The following ADARB2 variants were observed in gnomAD, a reference collection of about 807,000 sequenced individuals.
ADARB2 encodes the protein inactive double-stranded RNA-specific editase B2.
A neutral mutation model predicts 62.2 loss-of-function variants in ADARB2; 25 were observed. That is an observed-to-expected ratio of 0.40 (90% CI 0.29 to 0.56). The LOEUF (loss-of-function observed/expected upper bound fraction) is 0.56, where lower values mean the gene tolerates loss of function less well. Ranked by LOEUF, ADARB2 falls within the 20% of genes least tolerant of loss-of-function variation. The pLI, the probability that ADARB2 is intolerant of heterozygous loss-of-function variation, is 0.43. For missense variants in ADARB2, 1,071 were observed against 1,077.4 expected, an observed-to-expected ratio of 0.99 and a Z score of 0.08; for synonymous variants, 572 against 500.8, an observed-to-expected ratio of 1.14 and a Z score of -1.90.
At chr10:1,707,260 C>G (rs760690508) in intron 1 of ADARB2, among the ~76,000 whole-genome samples, 10 of 152,232 alleles carry the variant, frequency 6.6e-5, no homozygotes, top group Non-Finnish European at 1.3e-4. Flanking sequence ...ACTGATGCCA[C>G]CTCAGATCCA....
intron 3 of ADARB2, among the ~76,000 whole-genome samples, chr10:1,272,872 G>A (rs754040134): frequency 6.6e-6 from 1 of 152,320 alleles, no homozygotes; most frequent in South Asian, 2.1e-4. Context: ...CGAAGCTCTG[G>A]AGGCAGAGAT....
chr10:1,706,846 C>A (rs938956227), intron 1 of ADARB2, among the ~76,000 whole-genome samples: 19 of 152,310 alleles, frequency 1.2e-4, no homozygotes, highest in African/African-American at 4.6e-4. Context: ...ACACCCTCCA[C>A]TGAGGACAAC....
intron 5 of ADARB2, 67 bp from the exon 6 acceptor site, chr10:1,233,912 A>T: frequency 6.6e-7 from 1 of 1,521,420 alleles, no homozygotes; most frequent in Non-Finnish European, 8.9e-7. Flanking sequence ...AACCAGGTGA[A>T]CGCTTGAGTC....
intron 7 of ADARB2, chr10:1,215,993 G>T (rs1458785951): frequency 6.6e-6 from 1 of 151,700 alleles, no homozygotes; most frequent in African/African-American, 2.4e-5. Context: ...GAGCAACGTG[G>T]GGGAGGCCTC....
intron 3 of ADARB2, among the ~76,000 whole-genome samples, chr10:1,356,113 C>G (rs757101208): frequency 6.6e-6 from 1 of 152,076 alleles, no homozygotes; most frequent in Non-Finnish European, 1.5e-5. Flanking sequence ...TTTTTCTGGC[C>G]GTCAGCACCT....
intron 1 of ADARB2, among the ~76,000 whole-genome samples, chr10:1,420,355 G>C (rs761419226): frequency 6.6e-6 from 1 of 152,206 alleles, no homozygotes; most frequent in African/African-American, 2.4e-5. Context: ...GGGATTGTCA[G>C]GCCAGCGCAG....
intron 1 of ADARB2, among the ~76,000 whole-genome samples, chr10:1,666,692 G>A (rs1055935313): frequency 2.6e-5 from 4 of 152,050 alleles, no homozygotes; most frequent in South Asian, 2.1e-4. Context: ...TTTTTTTGAG[G>A]GGCGAGGGCA....
At position 1,317,752 on chromosome 10, in the gene ADARB2, TG is replaced by T. The variant is rs59501657; in HGVS notation, c.1077+45275del. On this transcript the variant is annotated intron_variant, in intron 3 of 9. Transcript: ENST00000381312. ...CAGGGGGCACAGGCAGGGGTAGGCCTGGGGGGGGGTGGGTCAGTTTGTGTGG... is the reference window on the plus strand; with the variant it reads ...CAGGGGGCACAGGCAGGGGTAGGCCTGGGGGGGGTGGGTCAGTTTGTGTGG... 7.6e-3 allele frequency among the ~76,000 whole-genome samples: 864 copies of T among 112,970 alleles called. 16 individuals carry two copies. The highest frequency in any genetic ancestry group is 0.01 in the South Asian group (29 of 2,828). 74.1% of individuals were successfully genotyped at this position (112,970 alleles called of 152,430 possible).
rs755860726 is a variant in ADARB2, at chr10:1,420,611, G to GAAAAA, written c.101-41452_101-41451insTTTTT. On this transcript the variant is annotated intron_variant, in intron 1 of 9. Transcript: ENST00000381312. ...GCAGGTCCTCATCTTCCAGAAAGAGGGAAAAAAAAAAAAAAAAAAGGCAGA... is the reference window on the plus strand; with the variant it reads ...GCAGGTCCTCATCTTCCAGAAAGAGGAAAAAGAAAAAAAAAAAAAAAAAAGGCAGA... 7.4e-5 allele frequency among the ~76,000 whole-genome samples: 9 copies of GAAAAA among 121,120 alleles called. 4 individuals are homozygous for GAAAAA. Among genetic ancestry groups the GAAAAA allele is most frequent in the Non-Finnish European group, 3.3e-5 (2 of 60,232 alleles). 79.5% of individuals were successfully genotyped at this position (121,120 alleles called of 152,430 possible).
chr10:1,342,446 A>G (rs997664960), intron 3 of ADARB2, among the ~76,000 whole-genome samples: 3 of 152,072 alleles, frequency 2.0e-5, no homozygotes, highest in Admixed American at 1.3e-4. Flanking sequence ...GGGAACAGTG[A>G]CTCCTGACTC....
intron 1 of ADARB2, among the ~76,000 whole-genome samples, chr10:1,679,694 A>G (rs1834510495): frequency 6.6e-6 from 1 of 152,188 alleles, no homozygotes; most frequent in South Asian, 2.1e-4. Flanking sequence ...CAGAGTGTAC[A>G]GCTGCAGACT....
intron 8 of ADARB2, among the ~76,000 whole-genome samples, chr10:1,199,216 C>G (rs1186798240): frequency 6.6e-6 from 1 of 151,850 alleles, no homozygotes; most frequent in Non-Finnish European, 1.5e-5. Context: ...GGAAACCCAC[C>G]CCCCCGCTTC....
At chr10:1,251,984 C>G (rs1831041565) in intron 4 of ADARB2, among the ~76,000 whole-genome samples, 1 of 152,200 alleles carries the variant, frequency 6.6e-6, no homozygotes, top group African/African-American at 2.4e-5. Flanking sequence ...CAATGAACTT[C>G]TGTTGTTTAT....
intron 1 of ADARB2, among the ~76,000 whole-genome samples, chr10:1,703,442 G>A (rs1834849697): frequency 6.6e-6 from 1 of 152,216 alleles, no homozygotes; most frequent in South Asian, 2.1e-4. Context: ...GGGGTGGGGG[G>A]AGACTTTTTT....
intron 4 of ADARB2, among the ~76,000 whole-genome samples, chr10:1,265,665 A>G: frequency 1.6e-5 from 1 of 63,774 alleles, no homozygotes; most frequent in South Asian, 6.6e-4. Context: ...GCTCTCCCGG[A>G]AGACGGCCTG....
At chr10:1,668,541 G>A (rs1834340501) in intron 1 of ADARB2, among the ~76,000 whole-genome samples, 1 of 152,154 alleles carries the variant, frequency 6.6e-6, no homozygotes, top group Admixed American at 6.5e-5. Flanking sequence ...CAGTGGTGGG[G>A]CTGATCGGCT....
chr10:1,599,660 G>A (rs1486957776), intron 1 of ADARB2, among the ~76,000 whole-genome samples: 1 of 152,210 alleles, frequency 6.6e-6, no homozygotes, highest in Admixed American at 6.5e-5. Context: ...TTGTGAAGTG[G>A]GTCAGTGAGG....
At chr10:1,714,484 A>G (rs566513524) in intron 1 of ADARB2, among the ~76,000 whole-genome samples, 3 of 152,350 alleles carry the variant, frequency 2.0e-5, no homozygotes, top group South Asian at 4.1e-4. Flanking sequence ...GCCAACGCCC[A>G]TTTAATGCCT....
Position 1,312,493 on chromosome 10 carries a change from C to T in ADARB2, c.1078-41424G>A, listed in dbSNP as rs78050647. Among the ~76,000 whole-genome samples the T allele has an allele frequency of 7.3e-3, 1,118 of 152,322 alleles. 17 individuals carry two copies. The highest frequency in any genetic ancestry group is 0.025 in the African/African-American group (1,023 of 41,558). On this transcript the variant is annotated intron_variant, in intron 3 of 9. Transcript: ENST00000381312. ...GATTTCAAAGACCACCTGAAGTTCCCTGTCTCCAGGACGTCTCTCCTGATT... is the reference window on the plus strand; with the variant it reads ...GATTTCAAAGACCACCTGAAGTTCCTTGTCTCCAGGACGTCTCTCCTGATT...
Sources: gnomAD v4.1 joint callset for allele counts (sites outside exome capture counted in the v4.1 genomes callset) on GRCh38, gnomAD v4.1.1 for gene constraint, MANE v1.5 for transcripts, NCBI Gene and HGNC (gene_info 2026-07-23, HGNC 2026-07-21) for gene names.